ACOXL: variants seen among roughly 807,000 people sequenced by gnomAD.
ACOXL encodes the protein acyl-coenzyme A oxidase-like protein.
ACOXL carries 70 observed loss-of-function variants against 71.9 expected under a neutral mutation model. That is an observed-to-expected ratio of 0.97 (90% CI 0.80 to 1.19). The LOEUF (loss-of-function observed/expected upper bound fraction) is 1.19, where lower values mean the gene tolerates loss of function less well. Ranked by LOEUF, ACOXL falls within the 50% of genes most tolerant of loss-of-function variation. The pLI is 0.00. For missense variants in ACOXL, 703 were observed against 736.3 expected, an observed-to-expected ratio of 0.95 and a Z score of 0.52; for synonymous variants, 253 against 281.6, an observed-to-expected ratio of 0.90 and a Z score of 1.02.
intron 16 of ACOXL, among the ~76,000 whole-genome samples, chr2:111,069,796 AT>A (rs1428431726): frequency 6.6e-6 from 1 of 152,018 alleles, no homozygotes; most frequent in African/African-American, 2.4e-5. Context: ...GGTAGGTATG[AT>A]TCTGAGCCAG....
At chr2:110,818,026 T>G (rs1688119730) in intron 9 of ACOXL, among the ~76,000 whole-genome samples, 1 of 151,566 alleles carries the variant, frequency 6.6e-6, no homozygotes, top group South Asian at 2.1e-4. Context: ...AAATGCCTCC[T>G]TAATTTAGAG....
chr2:110,972,042 C>T (rs189359080), intron 12 of ACOXL, among the ~76,000 whole-genome samples: 3 of 152,254 alleles, frequency 2.0e-5, no homozygotes, highest in Admixed American at 1.3e-4. Flanking sequence ...TGGGAATGAT[C>T]ACAATTTCTA....
chr2:110,756,416 A>T (rs914680252), intron 1 of ACOXL, among the ~76,000 whole-genome samples: 3 of 152,210 alleles, frequency 2.0e-5, no homozygotes, highest in African/African-American at 7.2e-5. Context: ...GGTATGAGCC[A>T]CCGCACCGTG....
intron 2 of ACOXL, among the ~76,000 whole-genome samples, chr2:110,782,847 A>T (rs1350413768): frequency 1.3e-5 from 2 of 152,230 alleles, no homozygotes; most frequent in East Asian, 3.8e-4. Flanking sequence ...CAGAGCTGGC[A>T]TCAAGGAAGG....
chr2:110,852,815 C>G (rs1405430073), intron 10 of ACOXL, among the ~76,000 whole-genome samples: 2 of 152,166 alleles, frequency 1.3e-5, no homozygotes, highest in African/African-American at 4.8e-5. Flanking sequence ...AAGTGCCATG[C>G]AGAGAAGTCC....
intron 3 of ACOXL, among the ~76,000 whole-genome samples, chr2:110,793,063 G>A (rs1375850626): frequency 6.6e-6 from 1 of 152,182 alleles, no homozygotes; most frequent in Non-Finnish European, 1.5e-5. Context: ...CAGTAGCTCA[G>A]TAAATGGGTA....
rs555249130 is a variant in ACOXL, at chr2:110,964,583, G to A, written c.1060-22525G>A. On this transcript the variant is annotated intron_variant, in intron 12 of 17. Coordinates refer to ENST00000439055, the MANE Select transcript of ACOXL (RefSeq NM_001142807.4). ...AAACCAAGATGGCACAGCCTACTCC[G>A]CACCTAGGCTATGTGGTGGAGCCTA... Among the ~76,000 whole-genome samples the A allele has an allele frequency of 1.8e-4, 28 of 152,298 alleles. No individual in the cohort carries two copies. The South Asian group carries it at 2.1e-3, about 11-fold the overall frequency.
intron 9 of ACOXL, among the ~76,000 whole-genome samples, chr2:110,811,130 G>A (rs769912184): frequency 1.3e-4 from 20 of 152,314 alleles, no homozygotes; most frequent in African/African-American, 2.9e-4. Context: ...CAGCCAAAGC[G>A]TATCAGGGAG....
chr2:110,961,536 G>A lies in ACOXL; in HGVS notation c.1060-25572G>A, dbSNP rs138241509. Among the ~76,000 whole-genome samples the A allele has an allele frequency of 4.6e-5, 7 of 152,184 alleles. No homozygotes were observed. The East Asian group carries it at 1.2e-3, about 25-fold the overall frequency. Reference sequence around the variant, plus strand: ...AGAGCCTGTTGCCCTCTCCTCCACCGGAAAAGAGGAGAGCAAAATGCTCAG... The same window carrying A: ...AGAGCCTGTTGCCCTCTCCTCCACCAGAAAAGAGGAGAGCAAAATGCTCAG... On this transcript the variant is annotated intron_variant, in intron 12 of 17. Coordinates refer to ENST00000439055, the MANE Select transcript of ACOXL (RefSeq NM_001142807.4).
chr2:110,769,610 G>A (rs79999459), intron 2 of ACOXL, among the ~76,000 whole-genome samples: 4,181 of 151,684 alleles, frequency 0.028, 190 homozygotes, highest in African/African-American at 0.094. Context: ...TCAACATGGC[G>A]AAACATGGCC....
At chr2:110,974,507 A>G (rs1574345434) in intron 12 of ACOXL, among the ~76,000 whole-genome samples, 1 of 152,234 alleles carries the variant, frequency 6.6e-6, no homozygotes, top group East Asian at 1.9e-4. Flanking sequence ...AAACCCCATT[A>G]TAACTTTCTT....
At chr2:110,838,828 A>G (rs1237812232) in intron 9 of ACOXL, among the ~76,000 whole-genome samples, 2 of 152,224 alleles carry the variant, frequency 1.3e-5, no homozygotes, top group African/African-American at 2.4e-5. Context: ...GGGTTCCCAC[A>G]TAGCACGGAG....
intron 12 of ACOXL, among the ~76,000 whole-genome samples, chr2:110,959,588 G>C (rs915426642): frequency 1.3e-4 from 20 of 152,050 alleles, no homozygotes; most frequent in Non-Finnish European, 2.1e-4. Context: ...TCTTTGTGAG[G>C]CATGGCCATC....
intron 7 of ACOXL, 67 bp from the exon 8 acceptor site, chr2:110,801,585 A>T: frequency 7.1e-7 from 1 of 1,401,860 alleles, no homozygotes; most frequent in South Asian, 1.2e-5. Flanking sequence ...TAGTGGCGAC[A>T]GGCCTGGGAA....
At chr2:111,036,759 C>G (rs563990351) in intron 15 of ACOXL, 1 of 152,056 alleles carries the variant, frequency 6.6e-6, no homozygotes, top group Non-Finnish European at 1.5e-5. Context: ...TGGAGGGACA[C>G]GAAAGTGAGA....
intron 3 of ACOXL, among the ~76,000 whole-genome samples, chr2:110,788,453 G>T (rs1179992196): frequency 6.6e-6 from 1 of 152,174 alleles, no homozygotes; most frequent in African/African-American, 2.4e-5. Flanking sequence ...AAGACAGAAG[G>T]TAGATTAGAG....
intron 12 of ACOXL, among the ~76,000 whole-genome samples, chr2:110,951,149 C>T (rs536281833): frequency 8.7e-4 from 132 of 152,246 alleles, no homozygotes; most frequent in South Asian, 7.5e-3. Context: ...TGCCAGCGGA[C>T]GTCCCATCTC....
chr2:110,927,702 T>C (rs115406975), intron 11 of ACOXL, among the ~76,000 whole-genome samples: 281 of 152,330 alleles, frequency 1.8e-3, no homozygotes, highest in African/African-American at 5.8e-3. Context: ...GCACAGAAGT[T>C]GCGAATCCTC....
chr2:111,103,353 G>A (rs774718535), intron 17 of ACOXL, among the ~76,000 whole-genome samples: 20 of 152,038 alleles, frequency 1.3e-4, no homozygotes, highest in Non-Finnish European at 1.6e-4. Flanking sequence ...AGGGGTGACC[G>A]CATTTTAAGA....
Sources: gnomAD v4.1 joint callset for allele counts (sites outside exome capture counted in the v4.1 genomes callset) on GRCh38, gnomAD v4.1.1 for gene constraint, MANE v1.5 for transcripts, NCBI Gene and HGNC (gene_info 2026-07-23, HGNC 2026-07-21) for gene names.